Variants in UCK2 observed in about 807,000 individuals in gnomAD.
The protein encoded by UCK2 is uridine-cytidine kinase 2, also known as cytidine monophosphokinase 2.
UCK2 carries 6 observed loss-of-function variants against 30.8 expected under a neutral mutation model. That is an observed-to-expected ratio of 0.19 (90% CI 0.11 to 0.38). The LOEUF is 0.38. Ranked by LOEUF, UCK2 falls within the 10% of genes least tolerant of loss-of-function variation. The pLI is 1.00. For synonymous variants in UCK2, 125 were observed against 133.6 expected, an observed-to-expected ratio of 0.94 and a Z score of 0.45; for missense variants, 210 against 339.8, an observed-to-expected ratio of 0.62 and a Z score of 3.00.
At chr1:165,856,901 GT>G (rs60388478) in intron 1 of UCK2, among the ~76,000 whole-genome samples, 80,435 of 134,530 alleles carry the variant, frequency 0.6, 23,067 homozygotes, top group East Asian at 0.71. Context: ...CGGCCCCAGG[GT>G]TTTTTTTTTT....
At position 165,827,841 on chromosome 1, in the gene UCK2, G is replaced by A; in HGVS notation, c.8G>A (p.Gly3Glu). 6.9e-7 allele frequency: 1 copy of A among 1,459,574 alleles called. No individual in the cohort carries two copies. Among genetic ancestry groups the A allele is most frequent in the Non-Finnish European group, 9.1e-7 (1 of 1,097,892 alleles). The allele number at this position is 1,459,574 out of a possible 1,614,324, so 90.4% of individuals were successfully genotyped here. The stretch of plus-strand genomic sequence containing the variant: ...GGAGGGGCGGCGCGAACCATGGCCG[G>A]GGACAGCGAGCAGACCCTGCAGAAC... MAGDSEQTLQNHQ... is the reference protein window; with the variant it reads MAEDSEQTLQNHQ... The change falls in exon 1 of 7, where the codon GGG (glycine) becomes GAG (glutamate). Residue 3 changes from glycine to glutamate, a missense_variant. Gly to Glu is a moderately conservative substitution (Grantham distance 98). Transcript: ENST00000367879.
intron 1 of UCK2, among the ~76,000 whole-genome samples, chr1:165,872,564 A>T (rs1655223308): frequency 6.6e-6 from 1 of 152,248 alleles, no homozygotes; most frequent in Non-Finnish European, 1.5e-5. Context: ...TAGCAAATCC[A>T]CTACTGGAAA....
chr1:165,885,522 C>A, intron 1 of UCK2: 1 of 391,166 alleles, frequency 2.6e-6, no homozygotes, highest in South Asian at 1.4e-4. Flanking sequence ...TTAACCCTCC[C>A]GACTCCAATT....
At position 165,845,149 on chromosome 1, in the gene UCK2, G is replaced by A. The variant is rs187395816; in HGVS notation, c.99+17217G>A. On this transcript the variant is annotated intron_variant, in intron 1 of 6. Coordinates refer to ENST00000367879, the MANE Select transcript of UCK2 (RefSeq NM_012474.5). ...CTGAGCCCTCAGCCTGTGGGATCTG[G>A]CGCTCTCTCCAGGTAGATCGTGTCA... 3.3e-5 allele frequency among the ~76,000 whole-genome samples: 5 copies of A among 152,276 alleles called. No individual in the cohort carries two copies. In the East Asian group the frequency reaches 9.7e-4, roughly 29 times the overall value.
chr1:165,906,492 C>G (rs181666535), intron 6 of UCK2, among the ~76,000 whole-genome samples: 1 of 152,148 alleles, frequency 6.6e-6, no homozygotes. Context: ...CCCAGCCTCC[C>G]GGTAGCTGGG....
chr1:165,885,349 A>C (rs1377299427), intron 1 of UCK2: 1 of 398,470 alleles, frequency 2.5e-6, no homozygotes, highest in Non-Finnish European at 4.4e-6. Flanking sequence ...TTGTAATGGA[A>C]TTAAATGAGA....
intron 1 of UCK2, among the ~76,000 whole-genome samples, chr1:165,875,170 G>A (rs962944619): frequency 2.0e-4 from 31 of 152,106 alleles, no homozygotes; most frequent in Admixed American, 5.2e-4. Context: ...TCTTAGGCAT[G>A]TAGCTTATTA....
At chr1:165,836,437 C>G (rs999799737) in intron 1 of UCK2, among the ~76,000 whole-genome samples, 2 of 152,068 alleles carry the variant, frequency 1.3e-5, no homozygotes, top group African/African-American at 4.8e-5. Context: ...TGGAAATGGA[C>G]AGAATATTGT....
chr1:165,893,305 C>A (rs1655815729), intron 3 of UCK2, among the ~76,000 whole-genome samples: 1 of 152,228 alleles, frequency 6.6e-6, no homozygotes, highest in Admixed American at 6.5e-5. Context: ...AGACATGTTT[C>A]ACGTTTCCTC....
intron 1 of UCK2, among the ~76,000 whole-genome samples, chr1:165,841,743 G>A (rs1393796180): frequency 6.6e-6 from 1 of 152,122 alleles, no homozygotes; most frequent in South Asian, 2.1e-4. Flanking sequence ...GTCATGGTTG[G>A]TGTTTTTAAG....
chr1:165,886,334 G>T (rs1655611722), intron 1 of UCK2, among the ~76,000 whole-genome samples: 1 of 151,802 alleles, frequency 6.6e-6, no homozygotes, highest in Non-Finnish European at 1.5e-5. Flanking sequence ...TTGCTCTGTT[G>T]CCCAGGCTGG....
Position 165,902,959 on chromosome 1 carries a change from G to A in UCK2, c.500-223G>A, listed in dbSNP as rs1647531213. The A allele has an allele frequency of 7.7e-6, 3 of 392,032 alleles. No individual in the cohort carries two copies. In the South Asian group the frequency reaches 1.4e-4, roughly 19 times the overall value. 24.3% of individuals were successfully genotyped at this position (392,032 alleles called of 1,614,324 possible). ...CATGGACAGCCTTTTGTTTCAAAGA[G>A]CATTGTGTCATTGCCAAGTTTGACC... On this transcript the variant is annotated intron_variant, in intron 4 of 6. Coordinates refer to ENST00000367879, the MANE Select transcript of UCK2 (RefSeq NM_012474.5).
intron 1 of UCK2, among the ~76,000 whole-genome samples, chr1:165,846,238 G>C (rs1654444717): frequency 6.6e-6 from 1 of 152,174 alleles, no homozygotes; most frequent in African/African-American, 2.4e-5. Context: ...GTAGTTTGAG[G>C]TTACAGTGAG....
chr1:165,907,667 T>C lies in UCK2; in HGVS notation c.647-17T>C. The C allele has an allele frequency of 6.2e-7, 1 of 1,613,762 alleles. No individual in the cohort carries two copies. The highest frequency in any genetic ancestry group is 8.5e-7 in the Non-Finnish European group (1 of 1,179,780). ...CATGCCTGCACCCGTAACGCTCTGCTGGTCTCTGCCCCACAGTGGCCATCA... is the reference window on the plus strand; with the variant it reads ...CATGCCTGCACCCGTAACGCTCTGCCGGTCTCTGCCCCACAGTGGCCATCA... On this transcript the variant is annotated splice_polypyrimidine_tract_variant and intron_variant, in intron 6 of 6. Transcript: ENST00000367879.
chr1:165,885,653 G>A (rs900350400), intron 1 of UCK2, among the ~76,000 whole-genome samples: 3 of 152,232 alleles, frequency 2.0e-5, no homozygotes, highest in South Asian at 2.1e-4. Flanking sequence ...GTTTGCCTGT[G>A]AGACAGCGCT....
In UCK2 at chr1:165,902,148, A is replaced by G. The variant is rs192157794; in HGVS notation, c.500-1034A>G. 4.2e-3 allele frequency among the ~76,000 whole-genome samples: 645 copies of G among 152,214 alleles called. 4 individuals are homozygous for G. The highest frequency in any genetic ancestry group is 8.0e-3 in the Admixed American group (123 of 15,284). On this transcript the variant is annotated intron_variant, in intron 4 of 6. Transcript: ENST00000367879. ...CTACTCGGGAGGCTGAGGCAGGAGAATCGCTTGAACCCCAGAGGCAGAGGT... is the reference window on the plus strand; with the variant it reads ...CTACTCGGGAGGCTGAGGCAGGAGAGTCGCTTGAACCCCAGAGGCAGAGGT...
chr1:165,855,838 T>C (rs1182014866), intron 1 of UCK2, among the ~76,000 whole-genome samples: 1 of 152,154 alleles, frequency 6.6e-6, no homozygotes. Context: ...TTCCTTGTCC[T>C]GGCCAATGTG....
intron 1 of UCK2, among the ~76,000 whole-genome samples, chr1:165,837,234 T>C (rs761282893): frequency 1.2e-4 from 19 of 152,246 alleles, no homozygotes; most frequent in Admixed American, 4.6e-4. Context: ...TGTTGCCACT[T>C]ACTTATTAAG....
chr1:165,909,877 G>A lies in UCK2; in HGVS notation c.*2054G>A. The stretch of plus-strand genomic sequence containing the variant: ...TGGGAGAGCCTTGGCTTTTCAGTGG[G>A]CAGCATGCTCAACTTTACTTGAAGC... On this transcript the variant is annotated 3_prime_UTR_variant, in exon 7 of 7. Coordinates refer to ENST00000367879, the MANE Select transcript of UCK2 (RefSeq NM_012474.5). 1 of 152,420 alleles carries A rather than the reference G, an allele frequency of 6.6e-6. No homozygotes were observed. 9.4% of individuals were successfully genotyped at this position (152,420 alleles called of 1,614,324 possible).
Sources: allele counts gnomAD v4.1 joint callset (sites outside exome capture counted in the v4.1 genomes callset), GRCh38; gene constraint gnomAD v4.1.1; transcripts MANE v1.5; gene names NCBI Gene and HGNC (gene_info 2026-07-23, HGNC 2026-07-21).